Variants in POF1B observed in about 807,000 individuals in gnomAD.
The protein encoded by POF1B is POF1B actin binding protein, also known as protein POF1B.
Under a neutral mutation model 55.3 loss-of-function variants are expected in POF1B, and 53 were observed. The observed-to-expected ratio is 0.96, with a 90% CI of 0.77 to 1.20. POF1B has a LOEUF of 1.20. Among genes scored for constraint, POF1B ranks in the 50% most tolerant of loss-of-function variants. The probability of loss-of-function intolerance (pLI) is 0.00; values close to 1 mark genes in which losing one functional copy is unlikely to be tolerated. For missense variants in POF1B, 478 were observed against 420.5 expected, an observed-to-expected ratio of 1.14 and a Z score of -1.20; for synonymous variants, 188 against 148.3, an observed-to-expected ratio of 1.27 and a Z score of -1.95.
chrX:85,279,380 A>G lies in POF1B; in HGVS notation c.*41T>C. ...CTAATGCAGAGACACACACACAAAA[A>G]AAAAACGGCTTTGAGTTGTAATACT... On this transcript the variant is annotated 3_prime_UTR_variant, in exon 17 of 17. Coordinates refer to ENST00000262753, the MANE Select transcript of POF1B (RefSeq NM_024921.4). 8.6e-7 allele frequency: 1 copy of G among 1,162,839 alleles called. No individual in the cohort carries two copies. Among genetic ancestry groups the G allele is most frequent in the South Asian group, 1.9e-5 (1 of 53,315 alleles).
chrX:85,282,250 C>A lies in POF1B; in HGVS notation c.1717G>T (p.Glu573Ter). The A allele has an allele frequency of 2.5e-6, 3 of 1,194,269 alleles. No homozygotes were observed. Among genetic ancestry groups the A allele is most frequent in the Non-Finnish European group, 3.4e-6 (3 of 884,352 alleles). ...TTCTCAATCACAATAGTCTGTGTTT[C>A]ACTACCTGGTGGTATATATTCGTAG... The part of the protein sequence containing the change: ...DDYEYIPPGS[E>*]TQTIVIEKTE... Residue 573 changes from glutamate (E) to a stop codon, truncating the protein, a stop_gained, in exon 16 of 17, where the codon GAA becomes TAA. Coordinates refer to ENST00000262753, the MANE Select transcript of POF1B (RefSeq NM_024921.4). LOFTEE classifies it high-confidence loss of function.
At chrX:85,295,707 G>A (rs906583590) in intron 15 of POF1B, among the ~76,000 whole-genome samples, 2 of 111,827 alleles carry the variant, frequency 1.8e-5, no homozygotes, top group Non-Finnish European at 3.8e-5. Context: ...GTTGTTGGGT[G>A]GATGATTCTG....
chrX:85,341,090 A>G lies in POF1B; in HGVS notation c.723+4770T>C, dbSNP rs180748341. On this transcript the variant is annotated intron_variant, in intron 6 of 16. Coordinates refer to ENST00000262753, the MANE Select transcript of POF1B (RefSeq NM_024921.4). ...AGGGATGAAAACAGTTAGATGAGAG[A>G]TGAATAGAATTAAACCTGTGTGTCA... Among the ~76,000 whole-genome samples the G allele has an allele frequency of 2.1e-3, 235 of 111,135 alleles. 1 individual carries two copies. The highest frequency in any genetic ancestry group is 0.013 in the South Asian group (35 of 2,654).
At chrX:85,279,565 T>A (rs1050656138) in intron 16 of POF1B, 139 bp from the exon 17 acceptor site, 184 of 403,780 alleles carry the variant, frequency 4.6e-4, no homozygotes, top group Middle Eastern at 7.7e-4. Flanking sequence ...TGGCACTCTT[T>A]TATATATATA....
At chrX:85,320,403 G>A (rs1347427560) in intron 7 of POF1B, among the ~76,000 whole-genome samples, 1 of 110,529 alleles carries the variant, frequency 9.0e-6, no homozygotes, top group Non-Finnish European at 1.9e-5. Flanking sequence ...CGAGAACAAA[G>A]ACACAACATA....
At chrX:85,334,578 C>T (rs1419618289) in intron 6 of POF1B, among the ~76,000 whole-genome samples, 3 of 110,999 alleles carry the variant, frequency 2.7e-5, no homozygotes, top group African/African-American at 9.8e-5. Flanking sequence ...AGATGAGAAG[C>T]CCATGATGAT....
At chrX:85,355,740 A>T (rs1435617390) in intron 4 of POF1B, among the ~76,000 whole-genome samples, 3 of 112,247 alleles carry the variant, frequency 2.7e-5, no homozygotes, top group Non-Finnish European at 5.6e-5. Flanking sequence ...AGAGAAACAC[A>T]AATCAAAACC....
intron 4 of POF1B, among the ~76,000 whole-genome samples, chrX:85,357,089 TC>T (rs369793853): frequency 8.1e-4 from 90 of 110,933 alleles, no homozygotes; most frequent in African/African-American, 2.8e-3. Context: ...ACTCCCTCTT[TC>T]TCCTCCTATT....
At chrX:85,317,763 T>A (rs1331523594) in intron 7 of POF1B, among the ~76,000 whole-genome samples, 1 of 111,906 alleles carries the variant, frequency 8.9e-6, no homozygotes, top group African/African-American at 3.3e-5. Flanking sequence ...TAAAGACACA[T>A]GCTTGTGTAA....
chrX:85,325,013 C>A (rs1198723939), intron 7 of POF1B, among the ~76,000 whole-genome samples: 2 of 111,806 alleles, frequency 1.8e-5, no homozygotes, highest in African/African-American at 6.5e-5. Context: ...GTGCTGAATA[C>A]AGGCCCCCAT....
At chrX:85,315,882 T>A (rs1932783215) in intron 7 of POF1B, 148 bp from the exon 8 acceptor site, 1 of 446,104 alleles carries the variant, frequency 2.2e-6, no homozygotes, top group Non-Finnish European at 3.4e-6. Context: ...ATGTTAAAAC[T>A]AAAATGGCAC....
At chrX:85,352,690 C>T (rs755462479) in intron 4 of POF1B, among the ~76,000 whole-genome samples, 1 of 111,232 alleles carries the variant, frequency 9.0e-6, no homozygotes, top group East Asian at 2.9e-4. Context: ...TGCAAAAGAG[C>T]CCCTATGGTA....
At chrX:85,304,285 C>G in intron 14 of POF1B, 58 bp downstream of exon 14, 1 of 977,770 alleles carries the variant, frequency 1.0e-6, no homozygotes, top group Non-Finnish European at 1.3e-6. Context: ...ATTTATCCTA[C>G]AGTACTACAG....
Position 85,308,141 on chromosome X carries a change from G to T in POF1B, c.1033C>A (p.Leu345Ile). ...FSNIREELGH[L>I]QNDMTSLEND... ...AATCTTACTGTCATATCATTTTGAAGATGTCCAAGCTCCTCCCGTATGTTG... is the reference window on the plus strand; with the variant it reads ...AATCTTACTGTCATATCATTTTGAATATGTCCAAGCTCCTCCCGTATGTTG... The change falls in exon 10 of 17, where the codon CTT becomes ATT. Residue 345 changes from leucine to isoleucine, a missense_variant. Physicochemically the swap from Leu to Ile is conservative, Grantham distance 5 (BLOSUM62 2). Transcript: ENST00000262753. The T allele has an allele frequency of 8.4e-7, 1 of 1,187,622 alleles. No individual in the cohort carries two copies. The highest frequency in any genetic ancestry group is 1.1e-6 in the Non-Finnish European group (1 of 879,257).
At chrX:85,362,556 G>A (rs1933642626) in intron 3 of POF1B, among the ~76,000 whole-genome samples, 1 of 111,920 alleles carries the variant, frequency 8.9e-6, no homozygotes, top group African/African-American at 3.2e-5. Flanking sequence ...ATTGATTTGT[G>A]AATGCTGAAC....
In POF1B at chrX:85,279,417, C is replaced by A. The variant is rs766542303; in HGVS notation, c.*4G>T. On this transcript the variant is annotated 3_prime_UTR_variant, in exon 17 of 17. Transcript: ENST00000262753. The stretch of plus-strand genomic sequence containing the variant: ...TGAGTTGTAATACTTTAAAGTGGAT[C>A]CATTCATGGCTAGAAAAGAAAAAAA... 1 of 1,187,051 alleles carries A rather than the reference C, an allele frequency of 8.4e-7. No homozygotes were observed. Among genetic ancestry groups the A allele is most frequent in the South Asian group, 1.8e-5 (1 of 54,829 alleles).
At chrX:85,299,667 G>C (rs6652437) in intron 15 of POF1B, among the ~76,000 whole-genome samples, 12,619 of 96,896 alleles carry the variant, frequency 0.13, 692 homozygotes, top group South Asian at 0.17. Flanking sequence ...ACCACGCCTG[G>C]CTAATTTTTT....
chrX:85,364,918 C>G (rs1933689940), intron 3 of POF1B, among the ~76,000 whole-genome samples: 1 of 111,781 alleles, frequency 8.9e-6, no homozygotes, highest in African/African-American at 3.2e-5. Context: ...TTACATAATC[C>G]CATATTCCTC....
chrX:85,345,678 T>C (rs1328012681), intron 6 of POF1B, among the ~76,000 whole-genome samples, 182 bp downstream of exon 6: 1 of 111,244 alleles, frequency 9.0e-6, no homozygotes, highest in Non-Finnish European at 1.9e-5. Context: ...TCGACCTAAA[T>C]TGTTTTGTCT....
Sources: allele counts gnomAD v4.1 joint callset (sites outside exome capture counted in the v4.1 genomes callset), GRCh38; gene constraint gnomAD v4.1.1; transcripts MANE v1.5; gene names NCBI Gene and HGNC (gene_info 2026-07-23, HGNC 2026-07-21).